CDH2: variants seen among roughly 807,000 people sequenced by gnomAD.
CDH2 encodes cadherin-2.
CDH2 carries 17 observed loss-of-function variants against 92.0 expected under a neutral mutation model. That is an observed-to-expected ratio of 0.18 (90% CI 0.13 to 0.28). The LOEUF is 0.28. Among genes scored for constraint, CDH2 ranks in the 10% least tolerant of loss-of-function variants. The probability of loss-of-function intolerance (pLI) is 1.00; values close to 1 mark genes in which losing one functional copy is unlikely to be tolerated. For synonymous variants in CDH2, 419 were observed against 415.9 expected (o/e 1.01, Z -0.09); for missense variants, 862 against 1,133.1 (o/e 0.76, Z 3.44).
chr18:27,937,656 G>A (rs909795915), intron 6 of CDH2, among the ~76,000 whole-genome samples: 1 of 152,046 alleles, frequency 6.6e-6, no homozygotes, highest in Admixed American at 6.6e-5. Flanking sequence ...TCTCTCAAAG[G>A]CCTGTGAGCT....
intron 2 of CDH2, among the ~76,000 whole-genome samples, chr18:28,055,785 A>C (rs1236570678): frequency 6.6e-6 from 1 of 152,174 alleles, no homozygotes; most frequent in African/African-American, 2.4e-5. Flanking sequence ...GGTGCAAAGA[A>C]GCTACATATA....
At chr18:28,070,113 C>T (rs1019644262) in intron 2 of CDH2, among the ~76,000 whole-genome samples, 1 of 152,142 alleles carries the variant, frequency 6.6e-6, no homozygotes, top group East Asian at 1.9e-4. Context: ...TTTGGGAACA[C>T]GGCTTAGAAG....
chr18:27,995,184 G>A (rs1416996754), intron 7 of CDH2, among the ~76,000 whole-genome samples: 1 of 151,622 alleles, frequency 6.6e-6, no homozygotes, highest in Admixed American at 6.6e-5. Context: ...CGTGGTGGTG[G>A]GCGCCTGAAA....
intron 1 of CDH2, among the ~76,000 whole-genome samples, chr18:28,157,918 C>T (rs963976808): frequency 2.6e-5 from 4 of 152,160 alleles, no homozygotes; most frequent in Admixed American, 1.3e-4. Flanking sequence ...CAATAGCTAT[C>T]ATGGCTAGTA....
chr18:28,078,102 T>A (rs11564405), intron 2 of CDH2, among the ~76,000 whole-genome samples: 24,701 of 152,006 alleles, frequency 0.16, 2,319 homozygotes, highest in East Asian at 0.3. Context: ...TTGTAAAATG[T>A]CCTTCATGCA....
rs71171659 is a variant in CDH2, at chr18:28,077,890, CAAAAAAAA to C, written c.173-63989_173-63982del. On this transcript the variant is annotated intron_variant, in intron 2 of 15. Transcript: ENST00000269141. ...TGGGCAACAGAGTGAGACCCTGTCT[CAAAAAAAA>C]AAAAAAAAAAAAAAAAAAAGGAAAG... Among the ~76,000 whole-genome samples the C allele has an allele frequency of 1.2e-4, 8 of 67,356 alleles. No individual in the cohort carries two copies. In the East Asian group the frequency reaches 1.4e-3, roughly 12 times the overall value. 44.2% of individuals were successfully genotyped at this position (67,356 alleles called of 152,430 possible).
chr18:28,096,365 C>G (rs980310575), intron 2 of CDH2, among the ~76,000 whole-genome samples: 1 of 149,612 alleles, frequency 6.7e-6, no homozygotes, highest in African/African-American at 2.4e-5. Flanking sequence ...TAAATTAAAG[C>G]AACCTTGAGA....
At chr18:28,048,885 C>A (rs2014133717) in intron 2 of CDH2, among the ~76,000 whole-genome samples, 1 of 152,104 alleles carries the variant, frequency 6.6e-6, no homozygotes, top group African/African-American at 2.4e-5. Context: ...TCTCCACCCA[C>A]TTCTGCATGA....
chr18:28,036,645 T>G, intron 2 of CDH2: 1 of 829,458 alleles, frequency 1.2e-6, no homozygotes, highest in Non-Finnish European at 2.0e-6. Context: ...TCTTTTGAGC[T>G]GACGGAAATG....
intron 14 of CDH2, among the ~76,000 whole-genome samples, chr18:27,972,280 A>G (rs17468075): frequency 0.03 from 4,530 of 152,294 alleles, 100 homozygotes; most frequent in African/African-American, 0.05. Flanking sequence ...TTCTAAAGTC[A>G]TATTACCAGT....
At chr18:27,996,954 A>G (rs1376742987) in intron 7 of CDH2, among the ~76,000 whole-genome samples, 1 of 152,210 alleles carries the variant, frequency 6.6e-6, no homozygotes, top group Non-Finnish European at 1.5e-5. Flanking sequence ...AGTAGTCCCA[A>G]TTCTAACATT....
rs564561693 is a variant in CDH2, at chr18:28,091,734, T to C, written c.172+55939A>G. Among the ~76,000 whole-genome samples the C allele has an allele frequency of 5.9e-5, 9 of 152,266 alleles. No individual in the cohort carries two copies. In the South Asian group the frequency reaches 1.4e-3, roughly 25 times the overall value. On this transcript the variant is annotated intron_variant, in intron 2 of 15. Coordinates refer to ENST00000269141, the MANE Select transcript of CDH2 (RefSeq NM_001792.5). ...TATTTGAAAATGACATTAATACAAA[T>C]TTTGTTTCCAAAGAAAATGGTAAAC... is the stretch of plus-strand genomic sequence containing the variant.
intron 14 of CDH2, among the ~76,000 whole-genome samples, chr18:27,966,315 A>T (rs1175637112): frequency 6.6e-6 from 1 of 152,216 alleles, no homozygotes; most frequent in Non-Finnish European, 1.5e-5. Context: ...ACCTGGTGAC[A>T]TATTCTTTGA....
At position 27,985,615 on chromosome 18, in the gene CDH2, T is replaced by G; in HGVS notation, c.1888A>C (p.Ile630Leu). 3 of 1,613,914 alleles carry G rather than the reference T, an allele frequency of 1.9e-6. No homozygotes were observed. The highest frequency in any genetic ancestry group is 2.5e-6 in the Non-Finnish European group (3 of 1,179,786). The change falls in exon 12 of 16, where the codon ATT becomes CTT. Residue 630 changes from isoleucine (I) to leucine (L), a missense_variant. Ile to Leu is a conservative substitution (Grantham distance 5). Around this residue, in one of 5 missense-constraint regions of CDH2, gnomAD observed 564 missense variants for 722.2 expected, o/e 0.78. Coordinates refer to ENST00000269141, the MANE Select transcript of CDH2 (RefSeq NM_001792.5). ...SINITALDYD[I>L]DPNAGPFAFD... ...GCAAATGGTCCAGCATTTGGATCAATGTCATAATCAAGTGCTGTAATATTA... is the reference window on the plus strand; with the variant it reads ...GCAAATGGTCCAGCATTTGGATCAAGGTCATAATCAAGTGCTGTAATATTA...
chr18:28,015,432 C>T (rs2013218095), intron 2 of CDH2, among the ~76,000 whole-genome samples: 1 of 152,078 alleles, frequency 6.6e-6, no homozygotes, highest in South Asian at 2.1e-4. Context: ...TTCCATGCCC[C>T]ATGATTTAAA....
rs2013162892 is a variant in CDH2, at chr18:28,013,736, G to A, written c.346C>T (p.Gln116Ter). 1 of 1,613,854 alleles carries A rather than the reference G, an allele frequency of 6.2e-7. No individual in the cohort carries two copies. Among genetic ancestry groups the A allele is most frequent in the Non-Finnish European group, 8.5e-7 (1 of 1,179,948 alleles). Reference sequence around the variant, plus strand: ...TTCAGGCTCAATTTTACTGCCACTTGCCACTTTTCCTGGGTCTCTTTGTCT... The same window carrying A: ...TTCAGGCTCAATTTTACTGCCACTTACCACTTTTCCTGGGTCTCTTTGTCT... The part of the protein sequence containing the change: ...AQDKETQEKW[Q>*]VAVKLSLKPT... The change falls in exon 3 of 16, where the codon CAA (glutamine) becomes TAA (stop). Residue 116 changes from glutamine to a stop codon, truncating the protein, a stop_gained. Transcript: ENST00000269141. LOFTEE classifies it high-confidence loss of function.
At chr18:28,071,073 C>T in intron 2 of CDH2, among the ~76,000 whole-genome samples, 1 of 152,040 alleles carries the variant, frequency 6.6e-6, no homozygotes. Flanking sequence ...TGTATCTCCC[C>T]TCTTTTCAGA....
chr18:27,963,242 C>A, intron 15 of CDH2, 115 bp downstream of exon 15: 1 of 843,178 alleles, frequency 1.2e-6, no homozygotes, highest in Admixed American at 3.0e-5. Context: ...TTCAGAAACA[C>A]AAGTATGTTT....
At chr18:27,965,990 GAAAAAAAAAAA>G (rs373927434) in intron 14 of CDH2, among the ~76,000 whole-genome samples, 1 of 58,660 alleles carries the variant, frequency 1.7e-5, no homozygotes, top group Non-Finnish European at 3.0e-5. Flanking sequence ...TGTCTAAAAG[GAAAAAAAAAAA>G]AAAAAAAAAA....
Sources: allele counts gnomAD v4.1 joint callset (sites outside exome capture counted in the v4.1 genomes callset), GRCh38; gene constraint gnomAD v4.1.1; regional missense constraint gnomAD v4.1.1; transcripts MANE v1.5; gene names NCBI Gene and HGNC (gene_info 2026-07-23, HGNC 2026-07-21).